Variants in CLIP1 observed in about 807,000 individuals in gnomAD.
The protein encoded by CLIP1 is CAP-Gly domain-containing linker protein 1.
In CLIP1, 66 loss-of-function variants were observed where a neutral mutation model predicts 161.6. That is an observed-to-expected ratio of 0.41 (90% CI 0.33 to 0.50). The LOEUF is 0.50. CLIP1 is among the 20% of genes least tolerant of loss of function. The pLI is 0.27. For missense variants in CLIP1, 1,376 were observed against 1,702.0 expected (o/e 0.81, Z 3.37); for synonymous variants, 598 against 626.2 (o/e 0.96, Z 0.67).
At chr12:122,343,630 A>G (rs1566145657) in intron 10 of CLIP1, 1 of 152,132 alleles carries the variant, frequency 6.6e-6, no homozygotes, top group Non-Finnish European at 1.5e-5. Flanking sequence ...TGTACATCTA[A>G]CCTGCAAGTT....
intron 3 of CLIP1, chr12:122,365,367 T>C (rs1954089072): frequency 2.2e-6 from 2 of 918,808 alleles, no homozygotes; most frequent in African/African-American, 3.3e-5. Context: ...CCCAGCATGC[T>C]GTTGGCATTG....
intron 10 of CLIP1, among the ~76,000 whole-genome samples, chr12:122,346,126 C>T (rs966966977): frequency 5.3e-5 from 8 of 152,150 alleles, no homozygotes; most frequent in Non-Finnish European, 1.0e-4. Context: ...CCATAATAGA[C>T]GGACTCCATC....
At chr12:122,353,685 C>T (rs1257735071) in intron 7 of CLIP1, among the ~76,000 whole-genome samples, 3 of 151,976 alleles carry the variant, frequency 2.0e-5, no homozygotes, top group Non-Finnish European at 4.4e-5. Context: ...GACTGGAGTG[C>T]AGTGGCGCGA....
intron 1 of CLIP1, among the ~76,000 whole-genome samples, chr12:122,385,761 G>A (rs954235208): frequency 3.9e-5 from 6 of 152,152 alleles, no homozygotes; most frequent in African/African-American, 1.4e-4. Context: ...GAAGGATGGA[G>A]AAATAGTAAC....
intron 10 of CLIP1, 60 bp from the exon 11 acceptor site, chr12:122,341,757 C>CTTTTTTTTT (rs1952510340): frequency 2.2e-5 from 2 of 89,000 alleles, no homozygotes; most frequent in Non-Finnish European, 4.7e-5. Context: ...TGACTATTTT[C>CTTTTTTTTT]TTTTCTTTTT....
At chr12:122,363,354 T>A (rs1271788758) in intron 4 of CLIP1, among the ~76,000 whole-genome samples, 1 of 152,072 alleles carries the variant, frequency 6.6e-6, no homozygotes, top group Non-Finnish European at 1.5e-5. Flanking sequence ...TAGCCAGGCA[T>A]TGTGGCGTGC....
chr12:122,366,935 CA>C (rs1248120241), intron 3 of CLIP1, among the ~76,000 whole-genome samples: 3 of 152,170 alleles, frequency 2.0e-5, no homozygotes, highest in Non-Finnish European at 4.4e-5. Flanking sequence ...AAATTGGTCT[CA>C]CTGCAGTTGA....
At chr12:122,357,031 C>T (rs530797573) in intron 5 of CLIP1, among the ~76,000 whole-genome samples, 4 of 152,322 alleles carry the variant, frequency 2.6e-5, no homozygotes, top group East Asian at 1.9e-4. Flanking sequence ...CCCAAAGTGC[C>T]GAGACTGCAG....
intron 3 of CLIP1, among the ~76,000 whole-genome samples, chr12:122,367,636 C>G (rs747614761): frequency 5.9e-5 from 9 of 152,166 alleles, no homozygotes; most frequent in Non-Finnish European, 1.0e-4. Context: ...TGACAATAAA[C>G]AGAAGGCACT....
At chr12:122,322,624 C>T (rs1951555395) in intron 17 of CLIP1, 1 of 152,686 alleles carries the variant, frequency 6.5e-6, no homozygotes, top group African/African-American at 2.4e-5. Flanking sequence ...ACTGCAGCTC[C>T]TCGATACACA....
chr12:122,336,717 C>T lies in CLIP1; in HGVS notation c.2483G>A (p.Arg828Lys), dbSNP rs778540801. The change falls in exon 12 of 26, where the codon AGA (arginine) becomes AAA (lysine). Residue 828 changes from arginine (R) to lysine (K), a missense_variant. By Grantham distance (26) the Arg-to-Lys change is conservative. Coordinates refer to ENST00000620786, the MANE Select transcript of CLIP1 (RefSeq NM_001247997.2). ...ASSITRELQG[R>K]ELKLTNLQEN... is the part of the protein sequence containing the mutation. ...CTGAAGGTTAGTAAGCTTTAGCTCT[C>T]TCCCCTGGAGCTCTCTGGTAATGCT... 2 of 1,608,838 alleles carry T rather than the reference C, an allele frequency of 1.2e-6. No homozygotes were observed. Among genetic ancestry groups the T allele is most frequent in the South Asian group, 1.1e-5 (1 of 90,832 alleles).
chr12:122,422,810 T>G (rs894347422), upstream of CLIP1, among the ~76,000 whole-genome samples: 1 of 146,352 alleles, frequency 6.8e-6, no homozygotes, highest in Non-Finnish European at 1.5e-5. Flanking sequence ...CCTCTTTGTC[T>G]GCGCCCACCG....
At chr12:122,330,980 G>C (rs1038392421) in intron 15 of CLIP1, among the ~76,000 whole-genome samples, 1 of 151,766 alleles carries the variant, frequency 6.6e-6, no homozygotes, top group African/African-American at 2.4e-5. Flanking sequence ...ACCCCAGTAA[G>C]CCTCAGTTTC....
In CLIP1 at chr12:122,328,091, C is replaced by T. The variant is rs1464526898; in HGVS notation, c.3105G>A (p.Glu1035=). The T allele has an allele frequency of 3.7e-6, 6 of 1,614,144 alleles. No homozygotes were observed. Among genetic ancestry groups the T allele is most frequent in the Non-Finnish European group, 5.1e-6 (6 of 1,180,036 alleles). The change falls in exon 17 of 26, where the codon GAG becomes GAA. Residue 1035 remains glutamate, a synonymous_variant. Coordinates refer to ENST00000620786, the MANE Select transcript of CLIP1 (RefSeq NM_001247997.2). ...LKARYERATS[E]TKTKHEEILQ... ...GGATTTCTTCATGCTTGGTTTTTGT[C>T]TCAGAAGTGGCTCTCTCATACCTGG...
At chr12:122,306,388 C>T (rs995564505) in intron 20 of CLIP1, among the ~76,000 whole-genome samples, 1 of 152,146 alleles carries the variant, frequency 6.6e-6, no homozygotes, top group African/African-American at 2.4e-5. Context: ...TCACAAAGTC[C>T]TCTGTCTTCT....
rs943622251 is a variant in CLIP1, at chr12:122,321,003, C to T, written c.3250-1655G>A. ...GATTACAGGTGTAAGCCACCGCACC[C>T]GGTGAGACTCTGTCTTAAATAAATA... On this transcript the variant is annotated intron_variant, in intron 17 of 25. Transcript: ENST00000620786. 5.5e-4 allele frequency among the ~76,000 whole-genome samples: 82 copies of T among 149,370 alleles called. 1 individual carries two copies. The highest frequency in any genetic ancestry group is 3.0e-3 in the Admixed American group (45 of 14,926).
rs754288245 is a variant in CLIP1, at chr12:122,309,756, A to G, written c.3594+6T>C. ...CAGCTGGAACCCCTCGCCAAAGGAC[A>G]CTGACCTTTTGATGACTTGTGACTT... On this transcript the variant is annotated splice_donor_region_variant and intron_variant, in intron 20 of 25. Transcript: ENST00000620786. 2.5e-6 allele frequency: 4 copies of G among 1,611,916 alleles called. No individual in the cohort carries two copies. The East Asian group carries it at 6.7e-5, about 27-fold the overall frequency.
chr12:122,419,197 C>T (rs948011150), intron 1 of CLIP1, among the ~76,000 whole-genome samples: 4 of 151,726 alleles, frequency 2.6e-5, no homozygotes, highest in African/African-American at 9.7e-5. Context: ...ATGGTGAAAC[C>T]CCAGCTCTAG....
chr12:122,290,684 C>T (rs1238712876), intron 20 of CLIP1, among the ~76,000 whole-genome samples: 1 of 151,984 alleles, frequency 6.6e-6, no homozygotes, highest in East Asian at 1.9e-4. Context: ...ACACAATACG[C>T]AAAGATTCTC....
Sources: allele counts gnomAD v4.1 joint callset (sites outside exome capture counted in the v4.1 genomes callset), GRCh38; gene constraint gnomAD v4.1.1; transcripts MANE v1.5; gene names NCBI Gene and HGNC (gene_info 2026-07-23, HGNC 2026-07-21).